Variants in KAZN observed in about 807,000 individuals in gnomAD.
The protein encoded by KAZN is kazrin.
KAZN carries 40 observed loss-of-function variants against 87.4 expected under a neutral mutation model. That is an observed-to-expected ratio of 0.46 (90% CI 0.36 to 0.60). KAZN has a LOEUF of 0.60. KAZN is among the 20% of genes least tolerant of loss of function. KAZN has a pLI of 0.00. For synonymous variants in KAZN, 466 were observed against 458.3 expected (o/e 1.02, Z -0.22); for missense variants, 898 against 1,073.9 (o/e 0.84, Z 2.29).
At chr1:14,384,142 T>C (rs1661644987) in intron 2 of KAZN, among the ~76,000 whole-genome samples, 2 of 150,426 alleles carry the variant, frequency 1.3e-5, no homozygotes, top group Non-Finnish European at 3.0e-5. Context: ...ATAAGAATGC[T>C]TGTGATTTTT....
intron 2 of KAZN, among the ~76,000 whole-genome samples, chr1:14,521,405 G>A (rs533414774): frequency 3.9e-5 from 6 of 152,252 alleles, no homozygotes; most frequent in South Asian, 2.1e-4. Context: ...CAGAGCCAAA[G>A]TGAAAATTTC....
chr1:14,089,914 G>T (rs1455125601), intron 1 of KAZN, among the ~76,000 whole-genome samples: 2 of 151,810 alleles, frequency 1.3e-5, no homozygotes, highest in Admixed American at 1.3e-4. Context: ...AATTTCTTTT[G>T]TATTTTAAAG....
intron 2 of KAZN, among the ~76,000 whole-genome samples, chr1:14,410,297 T>A (rs181667216): frequency 6.6e-5 from 10 of 152,300 alleles, no homozygotes; most frequent in South Asian, 2.1e-4. Context: ...AGAGACAGTT[T>A]CACCATGTTG....
chr1:15,060,061 C>T (rs1638644556), intron 5 of KAZN, 111 bp from the exon 6 acceptor site: 1 of 1,401,392 alleles, frequency 7.1e-7, no homozygotes. Context: ...CTTCTCTACA[C>T]CTCAGTGTTC....
chr1:14,440,368 G>C lies in KAZN; in HGVS notation c.250-158615G>C, dbSNP rs180886284. On this transcript the variant is annotated intron_variant, in intron 2 of 16. Coordinates refer to the KAZN transcript ENST00000636203. ...TTGTACTGACAGCTGGAGAGACTTT[G>C]GCAGAAATAAATTCTTTGCTGTAGA... Among the ~76,000 whole-genome samples the C allele has an allele frequency of 7.9e-5, 12 of 152,248 alleles. No individual in the cohort carries two copies. The East Asian group carries it at 2.3e-3, about 29-fold the overall frequency.
chr1:13,980,161 A>G (rs1352666006), intron 1 of KAZN, among the ~76,000 whole-genome samples: 5 of 152,136 alleles, frequency 3.3e-5, no homozygotes, highest in Non-Finnish European at 7.4e-5. Context: ...TACACATGAG[A>G]ATCTAATGGA....
chr1:13,989,010 A>G (rs935610090), intron 1 of KAZN, among the ~76,000 whole-genome samples: 3 of 151,950 alleles, frequency 2.0e-5, no homozygotes, highest in African/African-American at 7.2e-5. Context: ...GAGGCTAAGA[A>G]GTCCAAGATC....
At chr1:13,930,317 C>T (rs1287323777) in intron 1 of KAZN, among the ~76,000 whole-genome samples, 1 of 152,214 alleles carries the variant, frequency 6.6e-6, no homozygotes, top group East Asian at 1.9e-4. Context: ...TGCAGTAGAC[C>T]TGAACCCCAC....
At chr1:14,647,161 G>A (rs1439532492) in intron 1 of KAZN, among the ~76,000 whole-genome samples, 1 of 152,174 alleles carries the variant, frequency 6.6e-6, no homozygotes, top group African/African-American at 2.4e-5. Flanking sequence ...ATTTAAATAT[G>A]GAAGAGTAAC....
intron 2 of KAZN, among the ~76,000 whole-genome samples, chr1:14,415,800 G>A (rs115783374): frequency 1.3e-3 from 204 of 152,034 alleles, no homozygotes; most frequent in African/African-American, 4.5e-3. Context: ...TATTAGCCCC[G>A]CTTCCCCCAA....
At chr1:14,916,294 C>T (rs918334688) in intron 1 of KAZN, among the ~76,000 whole-genome samples, 9 of 150,988 alleles carry the variant, frequency 6.0e-5, no homozygotes, top group African/African-American at 1.9e-4. Context: ...CTCAGCCTCC[C>T]GAGCAGCTGG....
intron 2 of KAZN, among the ~76,000 whole-genome samples, chr1:14,193,378 G>A (rs149321429): frequency 6.6e-6 from 1 of 152,200 alleles, no homozygotes; most frequent in African/African-American, 2.4e-5. Context: ...GTCTTGGAGA[G>A]CACCATATGA....
intron 1 of KAZN, among the ~76,000 whole-genome samples, chr1:14,152,521 T>G (rs1374663038): frequency 2.0e-5 from 3 of 152,222 alleles, no homozygotes; most frequent in Non-Finnish European, 4.4e-5. Context: ...TGACAGGATC[T>G]CATTCTTTTT....
At chr1:14,067,600 A>G (rs1643060025) in intron 1 of KAZN, among the ~76,000 whole-genome samples, 1 of 152,030 alleles carries the variant, frequency 6.6e-6, no homozygotes, top group African/African-American at 2.4e-5. Context: ...AACGCTTGTT[A>G]AGTGGTATTT....
chr1:14,256,025 C>G (rs541859421), intron 2 of KAZN, among the ~76,000 whole-genome samples: 3 of 152,272 alleles, frequency 2.0e-5, no homozygotes, highest in African/African-American at 7.2e-5. Context: ...GTCGCAGCTT[C>G]TCTCCCTCCT....
At chr1:14,631,907 A>G (rs1679600145) in intron 1 of KAZN, among the ~76,000 whole-genome samples, 2 of 152,366 alleles carry the variant, frequency 1.3e-5, no homozygotes, top group Non-Finnish European at 2.9e-5. Flanking sequence ...TTAATATCAC[A>G]CAACAAATTC....
intron 1 of KAZN, among the ~76,000 whole-genome samples, chr1:14,104,724 A>G (rs547354586): frequency 1.1e-4 from 17 of 152,270 alleles, no homozygotes; most frequent in African/African-American, 4.1e-4. Flanking sequence ...AGTTCCCATG[A>G]ATTTGTACCC....
intron 2 of KAZN, among the ~76,000 whole-genome samples, chr1:14,559,660 C>T (rs1674135688): frequency 6.6e-6 from 1 of 152,202 alleles, no homozygotes; most frequent in Non-Finnish European, 1.5e-5. Flanking sequence ...CCATTGAGGG[C>T]TCAGAAAGCA....
intron 2 of KAZN, among the ~76,000 whole-genome samples, chr1:14,310,438 T>G (rs1362736978): frequency 6.6e-6 from 1 of 152,202 alleles, no homozygotes; most frequent in Non-Finnish European, 1.5e-5. Flanking sequence ...ATTCTTGTAC[T>G]CAATGACTTA....
Sources: gnomAD v4.1 joint callset for allele counts (sites outside exome capture counted in the v4.1 genomes callset) on GRCh38, gnomAD v4.1.1 for gene constraint, MANE v1.5 for transcripts, NCBI Gene and HGNC (gene_info 2026-07-23, HGNC 2026-07-21) for gene names.